The following NAALADL2 variants were observed in gnomAD, a reference collection of about 807,000 sequenced individuals.
NAALADL2 encodes the protein N-acetylated alpha-linked acidic dipeptidase like 2.
Under a neutral mutation model 87.2 loss-of-function variants are expected in NAALADL2, and 76 were observed. That is an observed-to-expected ratio of 0.87 (90% confidence interval 0.72 to 1.05). The LOEUF (loss-of-function observed/expected upper bound fraction) is 1.05, where lower values mean the gene tolerates loss of function less well. NAALADL2 is among the 50% of genes least tolerant of loss of function. The pLI is 0.00. For missense variants in NAALADL2, 1,089 were observed against 945.8 expected (o/e 1.15, Z -1.99); for synonymous variants, 354 against 331.0 (o/e 1.07, Z -0.75).
In NAALADL2 at chr3:175,667,697, C is replaced by A. The variant is rs371917930; in HGVS notation, c.1896+40311C>A. Among the ~76,000 whole-genome samples the A allele has an allele frequency of 1.9e-4, 29 of 150,848 alleles. 1 individual carries two copies. The East Asian group carries it at 3.7e-3, about 19-fold the overall frequency. On this transcript the variant is annotated intron_variant, in intron 11 of 13. Transcript: ENST00000454872. ...TTTCACTTGTCCTTGAAATTCTCTG[C>A]TATCCTTAGATGCTCATAACCTCAG... is the stretch of plus-strand genomic sequence containing the variant.
At chr3:175,460,372 T>G (rs1722932620) in intron 6 of NAALADL2, among the ~76,000 whole-genome samples, 1 of 152,200 alleles carries the variant, frequency 6.6e-6, no homozygotes. Context: ...AGATGAAAAG[T>G]AGCTTTTTGC....
chr3:175,654,694 T>G (rs988972268), intron 11 of NAALADL2, among the ~76,000 whole-genome samples: 1 of 152,202 alleles, frequency 6.6e-6, no homozygotes, highest in Admixed American at 6.5e-5. Flanking sequence ...TTCTTTTTTT[T>G]ACAGTAGTCC....
intron 1 of NAALADL2, among the ~76,000 whole-genome samples, chr3:174,930,613 A>AATTTTTTTTTTTTTTTTT (rs1188907600): frequency 1.0e-5 from 1 of 99,774 alleles, no homozygotes; most frequent in South Asian, 3.7e-4. Flanking sequence ...AATAAGATGA[A>AATTTTTTTTTTTTTTTTT]CTTTTTTTTT....
chr3:175,542,942 A>G (rs902270861), intron 9 of NAALADL2, among the ~76,000 whole-genome samples: 5 of 152,168 alleles, frequency 3.3e-5, no homozygotes, highest in Non-Finnish European at 7.4e-5. Context: ...TCCTATTAAA[A>G]TTTTTGATAG....
At chr3:174,479,029 G>A (rs549105099) in intron 1 of NAALADL2, among the ~76,000 whole-genome samples, 5 of 152,232 alleles carry the variant, frequency 3.3e-5, no homozygotes, top group African/African-American at 7.2e-5. Context: ...TATGTACTGC[G>A]TTCCTCAGCT....
intron 11 of NAALADL2, among the ~76,000 whole-genome samples, chr3:175,634,963 T>C (rs1214470995): frequency 6.6e-6 from 1 of 152,068 alleles, no homozygotes; most frequent in Non-Finnish European, 1.5e-5. Context: ...GGTTGTACTT[T>C]GTAATAAAGA....
chr3:175,473,799 C>A (rs886782836), intron 9 of NAALADL2, among the ~76,000 whole-genome samples: 5 of 151,836 alleles, frequency 3.3e-5, no homozygotes, highest in South Asian at 4.2e-4. Context: ...TAAAAAAGAA[C>A]TAAAATGATA....
intron 11 of NAALADL2, among the ~76,000 whole-genome samples, chr3:175,665,115 A>G (rs973615140): frequency 6.6e-6 from 1 of 152,014 alleles, no homozygotes; most frequent in African/African-American, 2.4e-5. Flanking sequence ...CCAGACAGAC[A>G]CAACAGTCTA....
intron 9 of NAALADL2, among the ~76,000 whole-genome samples, chr3:175,565,086 G>T (rs949882750): frequency 6.6e-6 from 1 of 152,166 alleles, no homozygotes; most frequent in Non-Finnish European, 1.5e-5. Context: ...TTTTCTATAA[G>T]TTGAGGAACT....
intron 10 of NAALADL2, among the ~76,000 whole-genome samples, chr3:175,588,133 A>C (rs1387919933): frequency 6.6e-6 from 1 of 152,182 alleles, no homozygotes; most frequent in East Asian, 1.9e-4. Flanking sequence ...AACTTTGAGT[A>C]TGCCAAAAGA....
intron 1 of NAALADL2, among the ~76,000 whole-genome samples, chr3:174,960,649 G>A (rs1422832783): frequency 6.6e-6 from 1 of 151,906 alleles, no homozygotes; most frequent in Non-Finnish European, 1.5e-5. Flanking sequence ...CTGTGTATAG[G>A]CAGAAGTTTG....
At chr3:174,549,459 G>A (rs954216262) in intron 1 of NAALADL2, among the ~76,000 whole-genome samples, 1 of 152,042 alleles carries the variant, frequency 6.6e-6, no homozygotes, top group Non-Finnish European at 1.5e-5. Context: ...AAAATCACCT[G>A]GTGTCAATTA....
At chr3:175,588,757 C>A (rs893853015) in intron 10 of NAALADL2, among the ~76,000 whole-genome samples, 2 of 152,028 alleles carry the variant, frequency 1.3e-5, no homozygotes, top group Admixed American at 6.6e-5. Flanking sequence ...CCAGGATGGT[C>A]TCGATCTCCT....
At chr3:175,628,062 G>A (rs1727236913) in intron 11 of NAALADL2, among the ~76,000 whole-genome samples, 1 of 151,662 alleles carries the variant, frequency 6.6e-6, no homozygotes, top group South Asian at 2.1e-4. Context: ...ACATACAGAT[G>A]TCCCCCAACT....
At chr3:175,434,707 C>A (rs982687812) in intron 5 of NAALADL2, among the ~76,000 whole-genome samples, 2 of 151,808 alleles carry the variant, frequency 1.3e-5, no homozygotes, top group African/African-American at 4.8e-5. Context: ...AGTCTTTTTT[C>A]AAGGCTAGAA....
intron 3 of NAALADL2, among the ~76,000 whole-genome samples, chr3:174,807,890 A>AGT (rs67432240): frequency 0.19 from 27,468 of 141,450 alleles, 2,790 homozygotes; most frequent in East Asian, 0.35. Flanking sequence ...TGTGTGTGTG[A>AGT]GAGAGAGAGA....
At chr3:174,921,701 A>G (rs1375632692) in intron 1 of NAALADL2, among the ~76,000 whole-genome samples, 1 of 150,300 alleles carries the variant, frequency 6.7e-6, no homozygotes, top group Non-Finnish European at 1.5e-5. Flanking sequence ...GCTACTTGAG[A>G]GGCTGAGGCA....
At chr3:174,945,259 C>T (rs571031529) in intron 1 of NAALADL2, among the ~76,000 whole-genome samples, 2 of 152,262 alleles carry the variant, frequency 1.3e-5, no homozygotes, top group South Asian at 4.1e-4. Flanking sequence ...AACTATTGTA[C>T]AAGGTTAGTA....
rs555029485 is a variant in NAALADL2 at position 174,847,274 on chromosome 3, T to G, written c.-9+109528T>G. ...AGAACTCACAAGTATTAAGCATGCATGATCAAAAAACCCCAACCTGGGATT... is the reference window on the plus strand; with the variant it reads ...AGAACTCACAAGTATTAAGCATGCAGGATCAAAAAACCCCAACCTGGGATT... On this transcript the variant is annotated intron_variant, in intron 3 of 3. Transcript: ENST00000434257. Among the ~76,000 whole-genome samples the G allele has an allele frequency of 5.3e-5, 8 of 152,296 alleles. No homozygotes were observed. The South Asian group carries it at 1.7e-3, about 32-fold the overall frequency.
Sources: allele counts gnomAD v4.1 joint callset (sites outside exome capture counted in the v4.1 genomes callset), GRCh38; gene constraint gnomAD v4.1.1; transcripts MANE v1.5; gene names NCBI Gene and HGNC (gene_info 2026-07-23, HGNC 2026-07-21).